The following ZNF334 variants were observed in gnomAD, a reference collection of about 807,000 sequenced individuals.
ZNF334 encodes the protein zinc finger protein 334.
Under a neutral mutation model 12.4 loss-of-function variants are expected in ZNF334, and 14 were observed. That is an observed-to-expected ratio of 1.13 (90% CI 0.74 to 1.76). The LOEUF (loss-of-function observed/expected upper bound fraction) is 1.76. Among genes scored for constraint, ZNF334 ranks in the 40% most tolerant of loss-of-function variants. The probability of loss-of-function intolerance (pLI) is 0.00; values close to 1 mark genes in which losing one functional copy is unlikely to be tolerated. For missense variants in ZNF334, 797 were observed against 804.5 expected (o/e 0.99, Z 0.11); for synonymous variants, 273 against 269.6 (o/e 1.01, Z -0.12).
At position 46,502,499 on chromosome 20, in the gene ZNF334, G is replaced by A. The variant is rs748928259; in HGVS notation, c.840C>T (p.Leu280=). 6.2e-7 allele frequency: 1 copy of A among 1,613,554 alleles called. No individual in the cohort carries two copies. Residue 280 remains leucine (L), a synonymous_variant, in exon 5 of 5, where the codon CTC becomes CTT. Transcript: ENST00000692313. ...CAGTATGAATTCTTCGGTGTCGAGT[G>A]AGGCTTGTCTTCACACGAAAAGTTT... ...CRKTFRVKTS[L]TRHRRIHTGE...
chr20:46,470,955 C>T, the ZNF334 span, among the ~76,000 whole-genome samples: 2 of 152,146 alleles, frequency 1.3e-5, no homozygotes, highest in Non-Finnish European at 2.9e-5. Context: ...GCATGAATTT[C>T]CATAAGATAT....
the ZNF334 span, among the ~76,000 whole-genome samples, chr20:46,484,032 C>T: frequency 6.6e-6 from 1 of 152,142 alleles, no homozygotes; most frequent in Non-Finnish European, 1.5e-5. Flanking sequence ...TGGTCCAAAA[C>T]CCAGTAGGTT....
At position 46,502,292 on chromosome 20, in the gene ZNF334, G is replaced by A. The variant is rs745692595; in HGVS notation, c.1047C>T (p.Tyr349=). Residue 349 remains tyrosine (Y), a synonymous_variant, in exon 5 of 5, where the codon TAC becomes TAT. Transcript: ENST00000692313. ...HFRSHTGEKP[Y]ECKECGNAFS... ...AGGCATTTCCACATTCCTTGCATTC[G>A]TAAGGCTTCTCCCCTGTGTGTGACC... The A allele has an allele frequency of 5.6e-6, 9 of 1,613,856 alleles. No individual in the cohort carries two copies. The highest frequency in any genetic ancestry group is 2.2e-5 in the East Asian group (1 of 44,872).
In ZNF334 at chr20:46,501,257, G is replaced by T. The variant is rs1375071891; in HGVS notation, c.*39C>A. 6 of 1,578,966 alleles carry T rather than the reference G, an allele frequency of 3.8e-6. No individual in the cohort carries two copies. In the Admixed American group the frequency reaches 1.1e-4, roughly 28 times the overall value. On this transcript the variant is annotated 3_prime_UTR_variant, in exon 5 of 5. Transcript: ENST00000692313. Reference sequence around the variant, plus strand: ...CAGTTTAGCATTGTGTAAGTTATTTGATTTGTTGCTTTGTTGGAATTTATT... The same window carrying T: ...CAGTTTAGCATTGTGTAAGTTATTTTATTTGTTGCTTTGTTGGAATTTATT...
Position 46,501,955 on chromosome 20 carries a change from C to G in ZNF334, c.1384G>C (p.Glu462Gln). 1.2e-6 allele frequency: 2 copies of G among 1,614,006 alleles called. No individual in the cohort carries two copies. The highest frequency in any genetic ancestry group is 1.7e-6 in the Non-Finnish European group (2 of 1,180,014). Residue 462 changes from glutamate to glutamine, a missense_variant, in exon 5 of 5, where the codon GAA becomes CAA. Coordinates refer to ENST00000692313, the MANE Select transcript of ZNF334 (RefSeq NM_001353824.2). The part of the protein sequence containing the change: ...QITHRGKKSY[E>Q]CNECGKFFCH... ...AAAAATTTCCCACATTCATTACATT[C>G]ATAAGACTTCTTTCCTCTATGAGTT...
At chr20:46,494,083 T>C in the ZNF334 span, among the ~76,000 whole-genome samples, 1 of 152,228 alleles carries the variant, frequency 6.6e-6, no homozygotes, top group South Asian at 2.1e-4. Flanking sequence ...ACTGGGAATA[T>C]TATGTTATTT....
At chr20:46,509,798 G>C (rs565441275) in intron 2 of ZNF334, 29 of 632,174 alleles carry the variant, frequency 4.6e-5, no homozygotes, top group Middle Eastern at 3.4e-4. Context: ...TTAACTAAGA[G>C]AGATAAAGGG....
chr20:46,504,907 T>A lies in ZNF334; in HGVS notation c.22-167A>T, dbSNP rs570855674. 1.7e-5 allele frequency: 9 copies of A among 544,224 alleles called. No individual in the cohort carries two copies. The East Asian group carries it at 2.9e-4, about 17-fold the overall frequency. 33.7% of individuals were successfully genotyped at this position (544,224 alleles called of 1,614,324 possible). On this transcript the variant is annotated intron_variant, in intron 2 of 4. Transcript: ENST00000692313. ...CTGTCACTGTGTTCATTTTTTAAAA[T>A]GAATTTTAAAAATGTGCTGAGCTTA...
the ZNF334 span, among the ~76,000 whole-genome samples, chr20:46,468,354 CA>C: frequency 6.6e-6 from 1 of 151,860 alleles, no homozygotes; most frequent in Non-Finnish European, 1.5e-5. Context: ...CGGCTCACTG[CA>C]ACCTCAACCC....
Position 46,501,535 on chromosome 20 carries a change from A to T in ZNF334, c.1804T>A (p.Cys602Ser). 1 of 1,614,142 alleles carries T rather than the reference A, an allele frequency of 6.2e-7. No homozygotes were observed. Among genetic ancestry groups the T allele is most frequent in the Non-Finnish European group, 8.5e-7 (1 of 1,179,998 alleles). ...RTHTGEKPYE[C>S]NECGKSFCHK... is the part of the protein sequence containing the mutation. ...CAGAAGGATTTCCCACATTCATTAC[A>T]TTCATATGGTTTCTCCCCAGTGTGA... Residue 602 changes from cysteine (C) to serine (S), a missense_variant, in exon 5 of 5, where the codon TGT (cysteine) becomes AGT (serine). Physicochemically the swap from Cys to Ser is moderately radical, Grantham distance 112. Coordinates refer to ENST00000692313, the MANE Select transcript of ZNF334 (RefSeq NM_001353824.2).
At chr20:46,464,931 G>C in the ZNF334 span, 3 of 503,806 alleles carry the variant, frequency 6.0e-6, no homozygotes, top group Non-Finnish European at 1.2e-5. Context: ...TTTGTAGTTA[G>C]ATCTGTAGCA....
intron 2 of ZNF334, chr20:46,505,039 T>C (rs2020271076): frequency 8.2e-6 from 2 of 243,146 alleles, no homozygotes. Context: ...AATAGAAATG[T>C]ACATCTTTAA....
At chr20:46,494,457 G>C in the ZNF334 span, among the ~76,000 whole-genome samples, 1 of 152,164 alleles carries the variant, frequency 6.6e-6, no homozygotes, top group Non-Finnish European at 1.5e-5. Flanking sequence ...AAGGAAAGGT[G>C]TATGTGTATA....
rs539863697 is a variant in ZNF334 at position 46,499,814 on chromosome 20, T to C, written c.*1482A>G. ...ATACTTACATATATTAACACATGTA[T>C]ATGTGTGTATACATACATTTATCTG... is the stretch of plus-strand genomic sequence containing the variant. On this transcript the variant is annotated 3_prime_UTR_variant, in exon 5 of 5. Transcript: ENST00000692313. 6.6e-6 allele frequency: 1 copy of C among 152,358 alleles called. No homozygotes were observed. The highest frequency in any genetic ancestry group is 2.4e-5 in the African/African-American group (1 of 41,580). The allele number at this position is 152,358 out of a possible 1,614,324, so 9.4% of individuals were successfully genotyped here. A position where few individuals can be genotyped will look rare whatever the true frequency, so the allele number is the denominator to read the frequency against.
At chr20:46,482,543 T>A in the ZNF334 span, among the ~76,000 whole-genome samples, 1 of 152,230 alleles carries the variant, frequency 6.6e-6, no homozygotes, top group East Asian at 1.9e-4. Flanking sequence ...TCTATCAATG[T>A]ATGATCTTTT....
chr20:46,501,862 T>G lies in ZNF334; in HGVS notation c.1477A>C (p.Lys493Gln). ...TTCACAATGGAGATTCTACCACATT[T>G]ATTAAACACACCATGTTTCTCTCCT... is the stretch of plus-strand genomic sequence containing the variant. ...HTGEKHGVFN[K>Q]CGRISIVKSN... is the part of the protein sequence containing the mutation. The change falls in exon 5 of 5, where the codon AAA becomes CAA. Residue 493 changes from lysine to glutamine, a missense_variant. By Grantham distance (53) the Lys-to-Gln change is moderately conservative. Coordinates refer to ENST00000692313, the MANE Select transcript of ZNF334 (RefSeq NM_001353824.2). The G allele has an allele frequency of 1.2e-6, 2 of 1,613,324 alleles. No individual in the cohort carries two copies. The highest frequency in any genetic ancestry group is 8.5e-7 in the Non-Finnish European group (1 of 1,179,782).
At position 46,501,265 on chromosome 20, in the gene ZNF334, G is replaced by A; in HGVS notation, c.*31C>T. On this transcript the variant is annotated 3_prime_UTR_variant, in exon 5 of 5. Transcript: ENST00000692313. ...CATTGTGTAAGTTATTTGATTTGTTGCTTTGTTGGAATTTATTACTTTGTT... is the reference window on the plus strand; with the variant it reads ...CATTGTGTAAGTTATTTGATTTGTTACTTTGTTGGAATTTATTACTTTGTT... The A allele has an allele frequency of 6.3e-7, 1 of 1,585,506 alleles. No homozygotes were observed. The highest frequency in any genetic ancestry group is 1.2e-5 in the South Asian group (1 of 85,202).
the ZNF334 span, among the ~76,000 whole-genome samples, chr20:46,483,868 A>G: frequency 6.6e-6 from 1 of 152,230 alleles, no homozygotes; most frequent in African/African-American, 2.4e-5. Context: ...CAGTTTATAA[A>G]ATAATCTTAA....
the ZNF334 span, among the ~76,000 whole-genome samples, chr20:46,479,208 C>T: frequency 6.6e-6 from 1 of 152,152 alleles, no homozygotes; most frequent in Admixed American, 6.5e-5. Context: ...TTTCTTGCTT[C>T]TGGAGGCTCC....
Sources: allele counts gnomAD v4.1 joint callset (sites outside exome capture counted in the v4.1 genomes callset), GRCh38; gene constraint gnomAD v4.1.1; transcripts MANE v1.5; gene names NCBI Gene and HGNC (gene_info 2026-07-23, HGNC 2026-07-21).